CLPX: variants seen among roughly 807,000 people sequenced by gnomAD.
The protein encoded by CLPX is caseinolytic mitochondrial matrix peptidase chaperone subunit X, also known as ATP-dependent clpX-like chaperone, mitochondrial.
A neutral mutation model predicts 76.4 loss-of-function variants in CLPX; 34 were observed. The ratio of observed to expected loss-of-function variants is 0.45; its 90% CI spans 0.34 to 0.59. CLPX has a LOEUF of 0.59. Ranked by LOEUF, CLPX falls within the 20% of genes least tolerant of loss-of-function variation. The pLI is 0.01. For synonymous variants in CLPX, 248 were observed against 270.9 expected, an observed-to-expected ratio of 0.92 and a Z score of 0.83; for missense variants, 613 against 757.0, an observed-to-expected ratio of 0.81 and a Z score of 2.23.
chr15:65,161,121 A>G (rs2140623255), intron 6 of CLPX, among the ~76,000 whole-genome samples: 1 of 152,334 alleles, frequency 6.6e-6, no homozygotes, highest in Admixed American at 6.5e-5. Context: ...TATAAGTGTT[A>G]CAGAAGAATC....
At chr15:65,185,038 A>T in intron 1 of CLPX, 37 bp downstream of exon 1, 7 of 960,046 alleles carry the variant, frequency 7.3e-6, no homozygotes, top group African/African-American at 1.9e-5. Context: ...CCCCCCCCCG[A>T]CAGGCTGAGG....
In CLPX at chr15:65,180,030, G is replaced by A. The variant is rs963697596; in HGVS notation, c.240+14C>T. The A allele has an allele frequency of 6.3e-7, 1 of 1,585,868 alleles. No homozygotes were observed. On this transcript the variant is annotated intron_variant, in intron 2 of 13. Coordinates refer to ENST00000300107, the MANE Select transcript of CLPX (RefSeq NM_006660.5). ...TCACAATGTGTACAGATGCCAATAA[G>A]ATAAAATAATTACCTTATTTCCATC...
chr15:65,150,622 A>G lies in CLPX; in HGVS notation c.*201T>C. 1 of 377,772 alleles carries G rather than the reference A, an allele frequency of 2.6e-6. No individual in the cohort carries two copies. 23.4% of individuals were successfully genotyped at this position (377,772 alleles called of 1,614,324 possible). On this transcript the variant is annotated 3_prime_UTR_variant, in exon 14 of 14. Coordinates refer to ENST00000300107, the MANE Select transcript of CLPX (RefSeq NM_006660.5). ...ACATTTTATCTCTAAACATTGTGTC[A>G]TTAAAGTCCATATAACATCTTCCGT... is the stretch of plus-strand genomic sequence containing the variant.
intron 3 of CLPX, among the ~76,000 whole-genome samples, chr15:65,172,077 C>A (rs1290467516): frequency 6.6e-6 from 1 of 152,190 alleles, no homozygotes; most frequent in East Asian, 1.9e-4. Context: ...CTCACCGCAA[C>A]CTCCGCCTCC....
intron 3 of CLPX, among the ~76,000 whole-genome samples, chr15:65,170,846 G>A (rs559623066): frequency 1.3e-4 from 15 of 112,528 alleles, no homozygotes; most frequent in East Asian, 3.1e-4. Flanking sequence ...TTTTTGAGAC[G>A]GAGTCTCATT....
intron 2 of CLPX, 74 bp from the exon 3 acceptor site, chr15:65,179,125 T>C: frequency 4.1e-6 from 3 of 736,440 alleles, no homozygotes; most frequent in Non-Finnish European, 4.7e-6. Context: ...ATGTAAACAA[T>C]ACTGTTTGTA....
At chr15:65,161,815 G>A (rs1300202689) in intron 6 of CLPX, among the ~76,000 whole-genome samples, 3 of 151,972 alleles carry the variant, frequency 2.0e-5, no homozygotes, top group Non-Finnish European at 4.4e-5. Context: ...GGTATAATCA[G>A]TATTTCTATA....
rs758899327 is a variant in CLPX, at chr15:65,185,107, A to C, written c.47T>G (p.Leu16Arg). The change falls in exon 1 of 14, where the codon CTC becomes CGC. Residue 16 changes from leucine (L) to arginine (R), a missense_variant. Physicochemically the swap from Leu to Arg is moderately radical, Grantham distance 102 (BLOSUM62 -2). Around this residue, in one of 2 missense-constraint regions of CLPX, gnomAD observed 163 missense variants for 118.4 expected, o/e 1.38. Transcript: ENST00000300107. ...ACTCGAAAVR[L>R]ITSSLASAQR... ...CGCGGAGGCGAGTGAGGAGGTGATG[A>C]GCCGGACGGCCGCCGCGCCGCAAGT... The C allele has an allele frequency of 6.3e-7, 1 of 1,583,176 alleles. No homozygotes were observed. Among genetic ancestry groups the C allele is most frequent in the Admixed American group, 1.8e-5 (1 of 54,264 alleles).
At chr15:65,169,503 G>A (rs1266116511) in intron 3 of CLPX, among the ~76,000 whole-genome samples, 19 of 152,034 alleles carry the variant, frequency 1.2e-4, no homozygotes, top group Admixed American at 1.2e-3. Context: ...TGGATCACTT[G>A]AGCTTAGGAG....
At chr15:65,178,855 A>G (rs1299738834) in intron 3 of CLPX, 79 bp downstream of exon 3, 13 of 795,170 alleles carry the variant, frequency 1.6e-5, no homozygotes, top group Admixed American at 9.4e-5. Context: ...TACATTTTAC[A>G]TAATTTACAT....
At chr15:65,178,648 A>T (rs1464466591) in intron 3 of CLPX, among the ~76,000 whole-genome samples, 4 of 151,580 alleles carry the variant, frequency 2.6e-5, no homozygotes, top group Admixed American at 2.6e-4. Flanking sequence ...CTGCAGCCTC[A>T]ACCTTCTTAA....
intron 4 of CLPX, among the ~76,000 whole-genome samples, chr15:65,165,917 G>A (rs2087906484): frequency 6.6e-6 from 1 of 152,156 alleles, no homozygotes; most frequent in Non-Finnish European, 1.5e-5. Context: ...AAACACAGTA[G>A]AAGAAAGATA....
rs1388519016 is a variant in CLPX at position 65,185,165 on chromosome 15, C to T, written c.-12G>A. On this transcript the variant is annotated 5_prime_UTR_variant, in exon 1 of 14. Transcript: ENST00000300107. ...CCGCAGCTGGGCATCTCCGCGAGGC[C>T]TAGGCCGGGGCTTCGCCCCCTGAGG... is the stretch of plus-strand genomic sequence containing the variant. The T allele has an allele frequency of 3.9e-6, 6 of 1,557,486 alleles. No individual in the cohort carries two copies. The highest frequency in any genetic ancestry group is 3.6e-5 in the South Asian group (3 of 84,460).
chr15:65,185,011 A>C (rs2088236281), intron 1 of CLPX, 64 bp downstream of exon 1: 26 of 1,414,352 alleles, frequency 1.8e-5, no homozygotes, highest in Admixed American at 5.9e-5. Context: ...GGGGCCCCCA[A>C]CCATTGGCCA....
At chr15:65,156,638 TA>T (rs2140616235) in intron 9 of CLPX, 1 of 471,050 alleles carries the variant, frequency 2.1e-6, no homozygotes. Context: ...CAAAATATTT[TA>T]AATTTCCTAA....
chr15:65,166,850 A>C, intron 3 of CLPX, 65 bp from the exon 4 acceptor site: 1 of 1,485,338 alleles, frequency 6.7e-7, no homozygotes, highest in Non-Finnish European at 9.1e-7. Flanking sequence ...TTTAACCTTA[A>C]AGACTCCACT....
chr15:65,185,114 C>T lies in CLPX; in HGVS notation c.40G>A (p.Val14Ile). 6.3e-7 allele frequency: 1 copy of T among 1,582,360 alleles called. No individual in the cohort carries two copies. Among genetic ancestry groups the T allele is most frequent in the Non-Finnish European group, 8.6e-7 (1 of 1,165,156 alleles). Residue 14 changes from valine (V) to isoleucine (I), a missense_variant, in exon 1 of 14, where the codon GTC becomes ATC. Physicochemically the swap from Val to Ile is conservative, Grantham distance 29. Transcript: ENST00000300107. ...CGACTCGAAAVRLITSSLASA... is the reference protein window; with the variant it reads ...CGACTCGAAAIRLITSSLASA... ...GCGAGTGAGGAGGTGATGAGCCGGA[C>T]GGCCGCCGCGCCGCAAGTACAAGCA...
chr15:65,180,944 C>T (rs1231398570), intron 1 of CLPX, among the ~76,000 whole-genome samples: 1 of 149,968 alleles, frequency 6.7e-6, no homozygotes, highest in Non-Finnish European at 1.5e-5. Context: ...AAACAAACTT[C>T]AAATGTTCTT....
chr15:65,162,690 GAACA>G (rs747736159), intron 5 of CLPX, 45 bp from the exon 6 acceptor site: 11 of 1,162,796 alleles, frequency 9.5e-6, no homozygotes, highest in African/African-American at 1.5e-5. Context: ...TACCTTGGGG[GAACA>G]AACAATGAGT....
Sources: allele counts gnomAD v4.1 joint callset (sites outside exome capture counted in the v4.1 genomes callset), GRCh38; gene constraint gnomAD v4.1.1; regional missense constraint gnomAD v4.1.1; transcripts MANE v1.5; gene names NCBI Gene and HGNC (gene_info 2026-07-23, HGNC 2026-07-21).